PLA2G6: variants seen among roughly 807,000 people sequenced by gnomAD.
PLA2G6 encodes the protein phospholipase A2 group VI.
Under a neutral mutation model 83.8 loss-of-function variants are expected in PLA2G6, and 62 were observed. That is an observed-to-expected ratio of 0.74 (90% CI 0.60 to 0.91). The LOEUF (loss-of-function observed/expected upper bound fraction) is 0.91. PLA2G6 is among the 40% of genes least tolerant of loss of function. The probability of loss-of-function intolerance (pLI) is 0.00; values close to 1 mark genes in which losing one functional copy is unlikely to be tolerated. For missense variants in PLA2G6, 944 were observed against 1,102.0 expected (o/e 0.86, Z 2.03); for synonymous variants, 417 against 449.8 (o/e 0.93, Z 0.92).
chr22:38,113,322 C>T (rs1219164970), intron 15 of PLA2G6, among the ~76,000 whole-genome samples, 165 bp downstream of exon 15: 1 of 152,230 alleles, frequency 6.6e-6, no homozygotes, highest in Non-Finnish European at 1.5e-5. Context: ...CTGCCCCGCA[C>T]TGAGACTCTG....
rs1233798337 is a variant in PLA2G6 at position 38,112,593 on chromosome 22, C to A, written c.2203-16G>T. ...GATCCGTGCACTGGTGAGAAGCAGC[C>A]TTGGTGAGTGCCGGGCCCACACCCC... is the stretch of plus-strand genomic sequence containing the variant. On this transcript the variant is annotated splice_polypyrimidine_tract_variant and intron_variant, in intron 15 of 16. Coordinates refer to ENST00000332509, the MANE Select transcript of PLA2G6 (RefSeq NM_003560.4). 6.5e-7 allele frequency: 1 copy of A among 1,547,708 alleles called. No individual in the cohort carries two copies. Among genetic ancestry groups the A allele is most frequent in the Non-Finnish European group, 8.7e-7 (1 of 1,145,868 alleles).
intron 5 of PLA2G6, chr22:38,135,319 C>T (rs993182369): frequency 5.6e-6 from 3 of 538,950 alleles, no homozygotes; most frequent in African/African-American, 1.9e-5. Context: ...GATCACCCTC[C>T]CTGGTACTGG....
Position 38,116,112 on chromosome 22 carries a change from G to A in PLA2G6, c.1842C>T (p.Asn614=), listed in dbSNP as rs976845936. The change falls in exon 13 of 17, where the codon AAC becomes AAT. Residue 614 remains asparagine (N), a synonymous_variant. Transcript: ENST00000332509. ...CTGGAGGCCTGAGGTTAACGTTCTGGTTGAAACGAGGCTCCCGGACAGTTT... is the reference window on the plus strand; with the variant it reads ...CTGGAGGCCTGAGGTTAACGTTCTGATTGAAACGAGGCTCCCGGACAGTTT... ...APETVREPRF[N]QNVNLRPPAQ... The A allele has an allele frequency of 7.4e-6, 12 of 1,613,978 alleles. No homozygotes were observed. The African/African-American group carries it at 1.1e-4, about 14-fold the overall frequency.
At chr22:38,125,326 G>A (rs143294108) in intron 10 of PLA2G6, among the ~76,000 whole-genome samples, 78 of 152,180 alleles carry the variant, frequency 5.1e-4, no homozygotes, top group African/African-American at 1.8e-3. Flanking sequence ...GCATGTGTGC[G>A]TGTGTGTGTG....
At chr22:38,165,246 G>C (rs540574075) in intron 2 of PLA2G6, among the ~76,000 whole-genome samples, 2 of 152,270 alleles carry the variant, frequency 1.3e-5, no homozygotes, top group South Asian at 2.1e-4. Context: ...CCACAAACCT[G>C]ATCTACGCCA....
At chr22:38,163,137 G>A (rs2090083451) in intron 2 of PLA2G6, among the ~76,000 whole-genome samples, 1 of 152,122 alleles carries the variant, frequency 6.6e-6, no homozygotes, top group South Asian at 2.1e-4. Flanking sequence ...AAATGCCAAG[G>A]ACCCTCACGC....
intron 2 of PLA2G6, chr22:38,149,945 A>T (rs868196135): frequency 6.6e-6 from 1 of 151,908 alleles, no homozygotes; most frequent in African/African-American, 2.4e-5. Context: ...TGATCACGCT[A>T]CTTCACTCCA....
chr22:38,174,589 C>T (rs2145954286), intron 1 of PLA2G6, among the ~76,000 whole-genome samples: 1 of 152,156 alleles, frequency 6.6e-6, no homozygotes, highest in South Asian at 2.1e-4. Context: ...GGGAAGGACC[C>T]CTAAAGGGGA....
chr22:38,125,043 C>T (rs2087753321), intron 10 of PLA2G6, among the ~76,000 whole-genome samples: 1 of 152,238 alleles, frequency 6.6e-6, no homozygotes, highest in African/African-American at 2.4e-5. Flanking sequence ...ATCTGCTTTT[C>T]CTCCCTTGGG....
At chr22:38,138,038 T>C (rs3788535) in intron 5 of PLA2G6, 44,491 of 152,056 alleles carry the variant, frequency 0.29, 7,256 homozygotes, top group South Asian at 0.42. Context: ...GATCCTCTTA[T>C]GTGATGGGAC....
In PLA2G6 at chr22:38,132,861, G is replaced by A. The variant is rs1037506850; in HGVS notation, c.1047C>T (p.His349=). ...HGANADARGE[H]GNTPLHLAMS... ...TGGCCAGGTGCAGCGGGGTGTTGCC[G>A]TGCTCTCCGCGGGCATCCGCGTTGG... Residue 349 remains histidine, a synonymous_variant, in exon 7 of 17, where the codon CAC becomes CAT. Transcript: ENST00000332509. The surrounding 1 kb of genome is among the most constrained non-coding windows in gnomAD (Gnocchi z 5.0). 6 of 1,551,388 alleles carry A rather than the reference G, an allele frequency of 3.9e-6. No homozygotes were observed. Among genetic ancestry groups the A allele is most frequent in the Non-Finnish European group, 5.2e-6 (6 of 1,148,994 alleles).
At chr22:38,124,687 C>T (rs1214040654) in intron 10 of PLA2G6, among the ~76,000 whole-genome samples, 1 of 152,168 alleles carries the variant, frequency 6.6e-6, no homozygotes, top group Non-Finnish European at 1.5e-5. Flanking sequence ...GGAAGCTCCA[C>T]CAGGGCAGAA....
chr22:38,159,335 T>C (rs2089917102), intron 2 of PLA2G6, among the ~76,000 whole-genome samples: 1 of 152,202 alleles, frequency 6.6e-6, no homozygotes, highest in Non-Finnish European at 1.5e-5. Context: ...CTCATAGTCC[T>C]ATATTTGTTA....
At chr22:38,158,899 G>A (rs1169410240) in intron 2 of PLA2G6, among the ~76,000 whole-genome samples, 4 of 152,134 alleles carry the variant, frequency 2.6e-5, no homozygotes, top group Non-Finnish European at 5.9e-5. Context: ...TGGGATTGGT[G>A]CCATTTAAAA....
chr22:38,143,827 T>A (rs1052012893), intron 3 of PLA2G6: 1 of 222,918 alleles, frequency 4.5e-6, no homozygotes, highest in Non-Finnish European at 9.1e-6. Context: ...CACTGCAACC[T>A]CCGCCTCTGG....
At chr22:38,113,849 G>A (rs1439261790) in intron 14 of PLA2G6, 195 bp from the exon 15 acceptor site, 1 of 687,534 alleles carries the variant, frequency 1.5e-6, no homozygotes, top group Non-Finnish European at 2.7e-6. Context: ...GCTGGTGCGG[G>A]CATCACATGC....
At chr22:38,153,806 C>T (rs1251943171) in intron 2 of PLA2G6, among the ~76,000 whole-genome samples, 5 of 152,190 alleles carry the variant, frequency 3.3e-5, no homozygotes, top group Non-Finnish European at 4.4e-5. Context: ...CTTGGGGTCC[C>T]AGATTCTAAG....
Position 38,134,974 on chromosome 22 carries a change from C to G in PLA2G6, c.894+14G>C. The G allele has an allele frequency of 8.2e-7, 1 of 1,218,874 alleles. No homozygotes were observed. The highest frequency in any genetic ancestry group is 1.2e-5 in the South Asian group (1 of 83,674). 75.5% of individuals were successfully genotyped at this position (1,218,874 alleles called of 1,614,324 possible). A position where few individuals can be genotyped will look rare whatever the true frequency, so the allele number is the denominator to read the frequency against. On this transcript the variant is annotated intron_variant, in intron 6 of 16. Transcript: ENST00000332509. ...GGCCCCCTGCCCCACCCACCCACCT[C>G]AGGATCCACTCACCTCTGCGTTCTT...
Position 38,112,012 on chromosome 22 carries a change from C to T in PLA2G6, c.*149G>A, listed in dbSNP as rs1284803249. 4 of 887,654 alleles carry T rather than the reference C, an allele frequency of 4.5e-6. No individual in the cohort carries two copies. Among genetic ancestry groups the T allele is most frequent in the Admixed American group, 2.1e-5 (1 of 48,046 alleles). 55.0% of individuals were successfully genotyped at this position (887,654 alleles called of 1,614,324 possible). A position where few individuals can be genotyped will look rare whatever the true frequency, so the allele number is the denominator to read the frequency against. On this transcript the variant is annotated 3_prime_UTR_variant, in exon 17 of 17. Coordinates refer to ENST00000332509, the MANE Select transcript of PLA2G6 (RefSeq NM_003560.4). Reference sequence around the variant, plus strand: ...GGAGACAGGCCTTCAGGACCAGCCTCGGGCAGGCAGCTTGGCATTCTCCCA... The same window carrying T: ...GGAGACAGGCCTTCAGGACCAGCCTTGGGCAGGCAGCTTGGCATTCTCCCA...
Sources: gnomAD v4.1 joint callset for allele counts (sites outside exome capture counted in the v4.1 genomes callset) on GRCh38, gnomAD v4.1.1 for gene constraint, Gnocchi (gnomAD v3.1) non-coding constraint, MANE v1.5 for transcripts, NCBI Gene and HGNC (gene_info 2026-07-23, HGNC 2026-07-21) for gene names.